The following CFAP221 variants were observed in gnomAD, a reference collection of about 807,000 sequenced individuals.
CFAP221 encodes cilia- and flagella-associated protein 221.
CFAP221 carries 97 observed loss-of-function variants against 113.1 expected under a neutral mutation model. The observed-to-expected ratio is 0.86, with a 90% confidence interval of 0.73 to 1.02. The LOEUF (loss-of-function observed/expected upper bound fraction) is 1.02. Ranked by LOEUF, CFAP221 falls within the 50% of genes least tolerant of loss-of-function variation. The pLI is 0.00. For synonymous variants in CFAP221, 331 were observed against 354.4 expected (o/e 0.93, Z 0.74); for missense variants, 1,025 against 1,013.4 (o/e 1.01, Z -0.16).
chr2:119,563,408 C>G lies in CFAP221; in HGVS notation c.527+1294C>G, dbSNP rs191773023. On this transcript the variant is annotated intron_variant, in intron 6 of 23. Transcript: ENST00000413369. ...GTTAAATCCATGGATATGGAACCCTCAAATGCAGAGGGCCTAGTGTATAAT... is the reference window on the plus strand; with the variant it reads ...GTTAAATCCATGGATATGGAACCCTGAAATGCAGAGGGCCTAGTGTATAAT... Among the ~76,000 whole-genome samples, 45 of 152,268 alleles carry G rather than the reference C, an allele frequency of 3.0e-4. No individual in the cohort carries two copies. The East Asian group carries it at 8.7e-3, about 29-fold the overall frequency.
At chr2:119,634,815 A>C (rs1558983258) in intron 19 of CFAP221, among the ~76,000 whole-genome samples, 1 of 152,200 alleles carries the variant, frequency 6.6e-6, no homozygotes, top group Non-Finnish European at 1.5e-5. Context: ...AGAGGCTGAG[A>C]GAGGGGAAAA....
intron 12 of CFAP221, 79 bp from the exon 13 acceptor site, chr2:119,611,574 G>T: frequency 7.6e-7 from 1 of 1,312,134 alleles, no homozygotes; most frequent in Middle Eastern, 1.8e-4. Context: ...ATTGCTTAAT[G>T]GGTTTCTACA....
At chr2:119,617,321 T>C (rs1381884148) in intron 14 of CFAP221, among the ~76,000 whole-genome samples, 2 of 152,136 alleles carry the variant, frequency 1.3e-5, no homozygotes, top group African/African-American at 4.8e-5. Context: ...CTGGTAAGGC[T>C]TTCCCTGGGT....
In CFAP221 at chr2:119,544,502, A is replaced by C. The variant is rs887013845; in HGVS notation, c.-56A>C. The C allele has an allele frequency of 6.6e-6, 1 of 151,674 alleles. No homozygotes were observed. Among genetic ancestry groups the C allele is most frequent in the Admixed American group, 6.6e-5 (1 of 15,232 alleles). 9.4% of individuals were successfully genotyped at this position (151,674 alleles called of 1,614,324 possible). A position where few individuals can be genotyped will look rare whatever the true frequency, so the allele number is the denominator to read the frequency against. ...GCCGGCCGAATCCGGCCCGGGAACC[A>C]CCTCCAGGGTGAGCGGCCAGGGACC... On this transcript the variant is annotated 5_prime_UTR_variant, in exon 1 of 24. Coordinates refer to ENST00000413369, the MANE Select transcript of CFAP221 (RefSeq NM_001271049.2).
In CFAP221 at chr2:119,630,462, C is replaced by A. The variant is rs1686687992; in HGVS notation, c.1732-108C>A. ...ACAATCCGATGACTACAACATGGTG[C>A]TTGTCTTACTTTTACCACCAGGAAG... On this transcript the variant is annotated intron_variant, in intron 17 of 23. Transcript: ENST00000413369. The A allele has an allele frequency of 1.0e-5, 8 of 787,734 alleles. No individual in the cohort carries two copies. In the South Asian group the frequency reaches 1.4e-4, roughly 14 times the overall value. 48.8% of individuals were successfully genotyped at this position (787,734 alleles called of 1,614,324 possible). A position where few individuals can be genotyped will look rare whatever the true frequency, so the allele number is the denominator to read the frequency against.
At chr2:119,627,810 C>T (rs1023999883) in intron 16 of CFAP221, 24 bp downstream of exon 16, 12 of 1,611,068 alleles carry the variant, frequency 7.4e-6, no homozygotes, top group East Asian at 2.2e-5. Context: ...GGCTTGGGGG[C>T]GGGGAGTGGA....
intron 14 of CFAP221, among the ~76,000 whole-genome samples, chr2:119,619,123 A>G (rs1685717487): frequency 6.6e-6 from 1 of 152,220 alleles, no homozygotes; most frequent in African/African-American, 2.4e-5. Context: ...TCTCCCTGGG[A>G]CAGAGCACCT....
rs1468983181 is a variant in CFAP221 at position 119,629,697 on chromosome 2, G to A, written c.1651-178G>A. Among the ~76,000 whole-genome samples, 5 of 152,240 alleles carry A rather than the reference G, an allele frequency of 3.3e-5. No individual in the cohort carries two copies. In the East Asian group the frequency reaches 9.6e-4, roughly 29 times the overall value. ...ACTCACATCCACTAGGAGACATGGA[G>A]GAGGGGGTGATCAGGGCTGCCTTCC... On this transcript the variant is annotated intron_variant, in intron 16 of 23. Coordinates refer to ENST00000413369, the MANE Select transcript of CFAP221 (RefSeq NM_001271049.2).
chr2:119,625,495 G>A (rs1686235178), intron 14 of CFAP221, 88 bp from the exon 15 acceptor site: 5 of 1,120,406 alleles, frequency 4.5e-6, no homozygotes, highest in East Asian at 5.1e-5. Context: ...TCAGCTCTTA[G>A]TGTGGTTGGG....
At chr2:119,585,804 C>T (rs1400621828) in intron 6 of CFAP221, among the ~76,000 whole-genome samples, 1 of 152,184 alleles carries the variant, frequency 6.6e-6, no homozygotes, top group African/African-American at 2.4e-5. Context: ...CTCTGGGATA[C>T]ACTGGAGACC....
chr2:119,561,958 G>C, intron 5 of CFAP221, 56 bp from the exon 6 acceptor site: 1 of 1,115,100 alleles, frequency 9.0e-7, no homozygotes, highest in Non-Finnish European at 1.3e-6. Flanking sequence ...CTACAAGTTT[G>C]TCTAAAAGTT....
At chr2:119,590,882 C>T (rs72963201) in intron 7 of CFAP221, among the ~76,000 whole-genome samples, 1 of 152,002 alleles carries the variant, frequency 6.6e-6, no homozygotes, top group Non-Finnish European at 1.5e-5. Flanking sequence ...ACAAACTGTG[C>T]GGGGTACAGA....
intron 21 of CFAP221, among the ~76,000 whole-genome samples, chr2:119,646,505 C>G (rs1687817218): frequency 6.6e-6 from 1 of 152,166 alleles, no homozygotes; most frequent in Non-Finnish European, 1.5e-5. Flanking sequence ...CACTCACCAT[C>G]ATGAGAACAG....
In CFAP221 at chr2:119,601,277, G is replaced by A. The variant is rs192631089; in HGVS notation, c.691G>A (p.Gly231Arg). 52 of 1,535,516 alleles carry A rather than the reference G, an allele frequency of 3.4e-5. No homozygotes were observed. The East Asian group carries it at 7.3e-4, about 22-fold the overall frequency. Residue 231 changes from glycine (G) to arginine (R), a missense_variant, in exon 8 of 24, where the codon GGG becomes AGG. Coordinates refer to ENST00000413369, the MANE Select transcript of CFAP221 (RefSeq NM_001271049.2). ...VTIKFTPFQY[G>R]TAQIKMQLWI... ...TATTAAGTTTACACCCTTTCAGTATGGGACTGCACAAATAAAAATGCAGTT... is the reference window on the plus strand; with the variant it reads ...TATTAAGTTTACACCCTTTCAGTATAGGACTGCACAAATAAAAATGCAGTT...
At chr2:119,552,418 T>A (rs1171129440) in intron 3 of CFAP221, among the ~76,000 whole-genome samples, 1 of 4 alleles carries the variant, frequency 0.25, no homozygotes, top group African/African-American at 0.5. Context: ...TAATAAGAAA[T>A]AAATAGAAAT....
At chr2:119,584,433 A>T (rs1174604556) in intron 6 of CFAP221, among the ~76,000 whole-genome samples, 2 of 152,078 alleles carry the variant, frequency 1.3e-5, no homozygotes, top group African/African-American at 4.8e-5. Context: ...CAAAAAATTT[A>T]AAAACTAGCT....
chr2:119,580,082 GT>G (rs1682738868), intron 6 of CFAP221: 1 of 152,194 alleles, frequency 6.6e-6, no homozygotes, highest in Non-Finnish European at 1.5e-5. Flanking sequence ...TGTAATGTTA[GT>G]TTTATCTACC....
At position 119,636,902 on chromosome 2, in the gene CFAP221, A is replaced by G. The variant is rs566176816; in HGVS notation, c.1975-1357A>G. Reference sequence around the variant, plus strand: ...CCATTGCCATTTCCACAAAGACTGCATTCATGAACGCCTGGCCCAAGGCAG... The same window carrying G: ...CCATTGCCATTTCCACAAAGACTGCGTTCATGAACGCCTGGCCCAAGGCAG... On this transcript the variant is annotated intron_variant, in intron 19 of 23. Transcript: ENST00000413369. Among the ~76,000 whole-genome samples the G allele has an allele frequency of 1.7e-4, 26 of 152,272 alleles. No homozygotes were observed. In the South Asian group the frequency reaches 5.2e-3, roughly 30 times the overall value.
At chr2:119,584,072 TTTGA>T (rs1683034819) in intron 6 of CFAP221, among the ~76,000 whole-genome samples, 1 of 152,194 alleles carries the variant, frequency 6.6e-6, no homozygotes, top group Non-Finnish European at 1.5e-5. Context: ...ACTTATAAAA[TTTGA>T]TTGAGGACAT....
Sources: allele counts gnomAD v4.1 joint callset (sites outside exome capture counted in the v4.1 genomes callset), GRCh38; gene constraint gnomAD v4.1.1; transcripts MANE v1.5; gene names NCBI Gene and HGNC (gene_info 2026-07-23, HGNC 2026-07-21).